SUSD6: variants seen among roughly 807,000 people sequenced by gnomAD.
SUSD6 encodes sushi domain-containing protein 6.
SUSD6 carries 16 observed loss-of-function variants against 28.4 expected under a neutral mutation model. The ratio of observed to expected loss-of-function variants is 0.56; its 90% CI spans 0.38 to 0.86. The LOEUF (loss-of-function observed/expected upper bound fraction) is 0.86, where lower values mean the gene tolerates loss of function less well. Ranked by LOEUF, SUSD6 falls within the 40% of genes least tolerant of loss-of-function variation. SUSD6 has a pLI of 0.00. For synonymous variants in SUSD6, 147 were observed against 159.6 expected (o/e 0.92, Z 0.59); for missense variants, 341 against 384.2 (o/e 0.89, Z 0.94).
chr14:69,623,258 T>C (rs1440563065), intron 1 of SUSD6, among the ~76,000 whole-genome samples: 1 of 152,220 alleles, frequency 6.6e-6, no homozygotes, highest in Non-Finnish European at 1.5e-5. Context: ...CATACAGTCA[T>C]GTGCAGTGTA....
chr14:69,612,866 A>G (rs1402428216), intron 1 of SUSD6, among the ~76,000 whole-genome samples: 3 of 152,200 alleles, frequency 2.0e-5, no homozygotes, highest in Non-Finnish European at 4.4e-5. Flanking sequence ...TTTCCTTCAC[A>G]GTAGTTAATT....
chr14:69,699,992 C>A (rs1886291130), intron 2 of SUSD6, among the ~76,000 whole-genome samples: 1 of 152,164 alleles, frequency 6.6e-6, no homozygotes, highest in South Asian at 2.1e-4. Context: ...TTTTATTATG[C>A]AGATGGGTTC....
At chr14:69,669,043 A>AACT (rs1885788924) in intron 2 of SUSD6, among the ~76,000 whole-genome samples, 1 of 131,844 alleles carries the variant, frequency 7.6e-6, no homozygotes, top group Non-Finnish European at 1.6e-5. Context: ...AGTCTCAAGT[A>AACT]TTTTTTTTCT....
At chr14:69,707,791 C>G (rs1034009310) in intron 4 of SUSD6, among the ~76,000 whole-genome samples, 1 of 152,114 alleles carries the variant, frequency 6.6e-6, no homozygotes, top group African/African-American at 2.4e-5. Flanking sequence ...ATATGCAAAA[C>G]TAAACCACAG....
intron 1 of SUSD6, among the ~76,000 whole-genome samples, chr14:69,652,563 C>A (rs1461572946): frequency 2.0e-5 from 3 of 152,196 alleles, no homozygotes; most frequent in African/African-American, 7.2e-5. Context: ...ACCCCTCTTG[C>A]CTTTAGGAGA....
intron 1 of SUSD6, among the ~76,000 whole-genome samples, chr14:69,634,601 A>G (rs1885237401): frequency 6.6e-6 from 1 of 152,232 alleles, no homozygotes. Flanking sequence ...TCAGCCAGCT[A>G]AATTCCCTGT....
In SUSD6 at chr14:69,713,829, G is replaced by C. The variant is rs1307077348; in HGVS notation, c.*2850G>C. ...TGGGTTTTTTTGTTTGTTTGTTGTT[G>C]GTGTTTGTTTTTTTTTTTTTTTTTT... On this transcript the variant is annotated 3_prime_UTR_variant, in exon 6 of 6. Coordinates refer to ENST00000342745, the MANE Select transcript of SUSD6 (RefSeq NM_014734.4). 2 of 146,598 alleles carry C rather than the reference G, an allele frequency of 1.4e-5. No individual in the cohort carries two copies. Among genetic ancestry groups the C allele is most frequent in the Non-Finnish European group, 3.0e-5 (2 of 67,232 alleles). The allele number at this position is 146,598 out of a possible 1,614,324, so 9.1% of individuals were successfully genotyped here.
intron 2 of SUSD6, among the ~76,000 whole-genome samples, chr14:69,665,759 A>G (rs574218713): frequency 6.6e-6 from 1 of 152,280 alleles, no homozygotes; most frequent in South Asian, 2.1e-4. Context: ...TTTTGGAATG[A>G]CTGCATAGTC....
At chr14:69,689,891 C>G (rs1272184182) in intron 2 of SUSD6, among the ~76,000 whole-genome samples, 1 of 152,212 alleles carries the variant, frequency 6.6e-6, no homozygotes, top group Admixed American at 6.5e-5. Flanking sequence ...ATCTCGATCT[C>G]CTGGCCTCAA....
At chr14:69,614,718 G>C (rs1342920833) in intron 1 of SUSD6, among the ~76,000 whole-genome samples, 1 of 152,096 alleles carries the variant, frequency 6.6e-6, no homozygotes, top group Non-Finnish European at 1.5e-5. Flanking sequence ...AAAAAAAATA[G>C]TGAGGTACAT....
chr14:69,700,154 G>T (rs1886293621), intron 2 of SUSD6, among the ~76,000 whole-genome samples: 1 of 152,096 alleles, frequency 6.6e-6, no homozygotes, highest in East Asian at 1.9e-4. Flanking sequence ...CAAGCTTCCA[G>T]CTTGCTTATC....
chr14:69,683,906 C>T (rs1000243522), intron 2 of SUSD6, among the ~76,000 whole-genome samples: 3 of 152,158 alleles, frequency 2.0e-5, no homozygotes, highest in African/African-American at 7.2e-5. Flanking sequence ...GGAAAATGGC[C>T]TGGTAGAAGT....
intron 2 of SUSD6, among the ~76,000 whole-genome samples, chr14:69,693,619 T>TA (rs1315320591): frequency 6.6e-6 from 1 of 152,248 alleles, no homozygotes; most frequent in Non-Finnish European, 1.5e-5. Context: ...TTTAGTTTGC[T>TA]ACATGAAAAT....
intron 2 of SUSD6, among the ~76,000 whole-genome samples, chr14:69,697,973 G>C (rs1045569021): frequency 6.6e-6 from 1 of 152,190 alleles, no homozygotes; most frequent in East Asian, 1.9e-4. Flanking sequence ...GAGGATTCTT[G>C]GATCTCACAC....
At chr14:69,675,609 G>A (rs752437904) in intron 2 of SUSD6, among the ~76,000 whole-genome samples, 7 of 152,040 alleles carry the variant, frequency 4.6e-5, no homozygotes, top group Non-Finnish European at 8.8e-5. Context: ...CAGAGAAATA[G>A]CAGGTAGCAA....
chr14:69,680,276 C>T (rs2152373), intron 2 of SUSD6, among the ~76,000 whole-genome samples: 73,633 of 151,984 alleles, frequency 0.48, 20,637 homozygotes, highest in East Asian at 0.69. Flanking sequence ...AGTGCCCTTA[C>T]TCCTGGTTGT....
At chr14:69,628,009 C>A (rs1056105367) in intron 1 of SUSD6, among the ~76,000 whole-genome samples, 1 of 151,816 alleles carries the variant, frequency 6.6e-6, no homozygotes, top group Non-Finnish European at 1.5e-5. Context: ...TCTTGACTCA[C>A]TGCAGTCTTT....
intron 1 of SUSD6, among the ~76,000 whole-genome samples, chr14:69,618,422 C>CAGCT (rs2139589360): frequency 6.6e-6 from 1 of 152,356 alleles, no homozygotes; most frequent in Non-Finnish European, 1.5e-5. Context: ...TTGTGACCAA[C>CAGCT]AGCTAGTCTT....
intron 1 of SUSD6, among the ~76,000 whole-genome samples, chr14:69,656,670 GTCTA>G (rs1220085938): frequency 4.2e-4 from 19 of 45,698 alleles, no homozygotes; most frequent in Non-Finnish European, 7.0e-4. Flanking sequence ...CAGGCACTTT[GTCTA>G]TCCTAATCCT....
Sources: allele counts gnomAD v4.1 joint callset (sites outside exome capture counted in the v4.1 genomes callset), GRCh38; gene constraint gnomAD v4.1.1; transcripts MANE v1.5; gene names NCBI Gene and HGNC (gene_info 2026-07-23, HGNC 2026-07-21).